DENND4C: variants seen among roughly 807,000 people sequenced by gnomAD.
DENND4C encodes the protein DENN domain containing 4C, also known as DENN domain-containing protein 4C.
Under a neutral mutation model 203.0 loss-of-function variants are expected in DENND4C, and 108 were observed. The observed-to-expected ratio is 0.53, with a 90% CI of 0.46 to 0.62. DENND4C has a LOEUF of 0.62. DENND4C is among the 20% of genes least tolerant of loss of function. The pLI, the probability that DENND4C is intolerant of heterozygous loss-of-function variation, is 0.00. For missense variants in DENND4C, 2,481 were observed against 2,301.2 expected (o/e 1.08, Z -1.60); for synonymous variants, 871 against 792.4 (o/e 1.10, Z -1.67).
At chr9:19,313,899 T>A (rs1264484070) in intron 10 of DENND4C, among the ~76,000 whole-genome samples, 1 of 152,090 alleles carries the variant, frequency 6.6e-6, no homozygotes, top group Admixed American at 6.5e-5. Flanking sequence ...GGAGCTAAGC[T>A]ATGAGGACAC....
In DENND4C at chr9:19,372,138, T is replaced by C; in HGVS notation, c.5842T>C (p.Trp1948Arg). The change falls in exon 33 of 33, where the codon TGG becomes CGG. Residue 1948 changes from tryptophan (W) to arginine (R), a missense_variant. Physicochemically the swap from Trp to Arg is moderately radical, Grantham distance 101. Coordinates refer to ENST00000434457, the MANE Select transcript of DENND4C (RefSeq NM_001330640.2). ...IDAPPSASVE[W>R]CRKCFGAPLI is the part of the protein sequence containing the mutation. ...TGCTCCACCAAGTGCCAGTGTCGAG[T>C]GGTGCAGGAAGTGTTTTGGAGCGCC... 1 of 1,613,928 alleles carries C rather than the reference T, an allele frequency of 6.2e-7. No individual in the cohort carries two copies. Among genetic ancestry groups the C allele is most frequent in the East Asian group, 2.2e-5 (1 of 44,862 alleles).
chr9:19,339,313 C>T (rs1821114728), intron 20 of DENND4C, among the ~76,000 whole-genome samples: 1 of 152,188 alleles, frequency 6.6e-6, no homozygotes, highest in Admixed American at 6.5e-5. Context: ...TCCCAGTGTT[C>T]CTTGTGGTAC....
chr9:19,282,450 C>T (rs564375795), intron 2 of DENND4C, among the ~76,000 whole-genome samples: 9 of 150,878 alleles, frequency 6.0e-5, no homozygotes, highest in Non-Finnish European at 1.3e-4. Context: ...GATGGGGTTT[C>T]GCCTTGTTGC....
chr9:19,348,182 T>G, intron 23 of DENND4C, among the ~76,000 whole-genome samples: 1 of 152,212 alleles, frequency 6.6e-6, no homozygotes, highest in East Asian at 1.9e-4. Flanking sequence ...ATGAGGGTGG[T>G]ACTGTTGTTA....
In DENND4C at chr9:19,276,083, T is replaced by C. The variant is rs1564110389; in HGVS notation, c.-17-75T>C. The C allele has an allele frequency of 8.4e-6, 6 of 717,830 alleles. No homozygotes were observed. The East Asian group carries it at 1.7e-4, about 20-fold the overall frequency. The allele number at this position is 717,830 out of a possible 1,614,324, so 44.5% of individuals were successfully genotyped here. On this transcript the variant is annotated intron_variant, in intron 1 of 32. Coordinates refer to ENST00000434457, the MANE Select transcript of DENND4C (RefSeq NM_001330640.2). ...GGGAAGTGTGCTAGTTGATGATTGT[T>C]AACTCAAGGATATATTAATTTTTGT...
chr9:19,324,732 T>C (rs975988415), intron 13 of DENND4C, among the ~76,000 whole-genome samples: 2 of 152,198 alleles, frequency 1.3e-5, no homozygotes, highest in African/African-American at 4.8e-5. Flanking sequence ...CATTGATCCA[T>C]TGATTGAAAC....
chr9:19,315,355 C>T (rs1028525953), intron 10 of DENND4C, among the ~76,000 whole-genome samples: 5 of 151,738 alleles, frequency 3.3e-5, no homozygotes, highest in South Asian at 4.2e-4. Flanking sequence ...GTTTTCAACC[C>T]GTGAAGATGT....
Position 19,332,024 on chromosome 9 carries a change from C to A in DENND4C, c.2300C>A (p.Pro767Gln). The A allele has an allele frequency of 6.2e-7, 1 of 1,613,928 alleles. No individual in the cohort carries two copies. The highest frequency in any genetic ancestry group is 8.5e-7 in the Non-Finnish European group (1 of 1,179,974). ...HKLAKRCYTNPPQWAKCLFSH... is the reference protein window; with the variant it reads ...HKLAKRCYTNQPQWAKCLFSH... Reference sequence around the variant, plus strand: ...TTGGCGAAGAGATGTTATACAAATCCACCACAGTGGGCCAAGTGTCTGTTT... The same window carrying A: ...TTGGCGAAGAGATGTTATACAAATCAACCACAGTGGGCCAAGTGTCTGTTT... Residue 767 changes from proline to glutamine, a missense_variant, in exon 17 of 33, where the codon CCA (proline) becomes CAA (glutamine). Around this residue, in one of 3 missense-constraint regions of DENND4C, gnomAD observed 2,289 missense variants for 2,113.3 expected, o/e 1.08. Coordinates refer to ENST00000434457, the MANE Select transcript of DENND4C (RefSeq NM_001330640.2).
At chr9:19,251,982 G>A (rs117513849) in intron 1 of DENND4C, among the ~76,000 whole-genome samples, 9,642 of 152,188 alleles carry the variant, frequency 0.063, 439 homozygotes, top group Non-Finnish European at 0.097. Context: ...TTCGAAAGTC[G>A]CTTCCACATT....
At position 19,352,127 on chromosome 9, in the gene DENND4C, A is replaced by G; in HGVS notation, c.4550A>G (p.His1517Arg). The G allele has an allele frequency of 6.2e-7, 1 of 1,613,944 alleles. No homozygotes were observed. The highest frequency in any genetic ancestry group is 1.1e-5 in the South Asian group (1 of 91,078). Residue 1517 changes from histidine to arginine, a missense_variant, in exon 25 of 33, where the codon CAT becomes CGT. His to Arg is a conservative substitution (Grantham distance 29). Around this residue, in one of 3 missense-constraint regions of DENND4C, gnomAD observed 2,289 missense variants for 2,113.3 expected, o/e 1.08. Transcript: ENST00000434457. ...MKGQDFEKSDHGSSQNTSMSS... is the reference protein window; with the variant it reads ...MKGQDFEKSDRGSSQNTSMSS... ...GGGCAAGACTTTGAAAAATCAGATC[A>G]TGGTTCTTCTCAAAATACCAGCATG...
Position 19,264,964 on chromosome 9 carries a change from G to A in DENND4C, c.-17-11194G>A, listed in dbSNP as rs796427744. On this transcript the variant is annotated intron_variant, in intron 1 of 32. Transcript: ENST00000434457. ...CATAGTACTGTTTTTGCTGTATCCT[G>A]TAGGTTTTAGTATGTTGTGTTTCCA... 9.2e-5 allele frequency among the ~76,000 whole-genome samples: 14 copies of A among 152,118 alleles called. 1 individual carries two copies. The highest frequency in any genetic ancestry group is 2.4e-4 in the African/African-American group (10 of 41,526).
chr9:19,244,876 A>G (rs1397743626), intron 1 of DENND4C, among the ~76,000 whole-genome samples: 1 of 152,196 alleles, frequency 6.6e-6, no homozygotes, highest in Non-Finnish European at 1.5e-5. Context: ...GGATAATGCT[A>G]GACCTCCCTT....
At chr9:19,315,458 G>C (rs1841624935) in intron 10 of DENND4C, among the ~76,000 whole-genome samples, 1 of 150,332 alleles carries the variant, frequency 6.7e-6, no homozygotes, top group Admixed American at 6.6e-5. Flanking sequence ...TTAGGCAGTT[G>C]TCTGCTGTAT....
intron 16 of DENND4C, among the ~76,000 whole-genome samples, chr9:19,328,786 C>T (rs1415868343): frequency 1.3e-5 from 2 of 151,954 alleles, no homozygotes; most frequent in Admixed American, 6.6e-5. Flanking sequence ...CAGTGGCTCA[C>T]CCCTGTAATC....
In DENND4C at chr9:19,372,217, G is replaced by C; in HGVS notation, c.*44G>C. On this transcript the variant is annotated 3_prime_UTR_variant, in exon 33 of 33. Coordinates refer to ENST00000434457, the MANE Select transcript of DENND4C (RefSeq NM_001330640.2). ...GTTGACACACAAGGCTTGGGGATTA[G>C]ATTTCATCTGGAAACATTCAAGTTT... The C allele has an allele frequency of 1.3e-6, 2 of 1,567,108 alleles. No individual in the cohort carries two copies. Among genetic ancestry groups the C allele is most frequent in the Non-Finnish European group, 1.7e-6 (2 of 1,158,648 alleles).
chr9:19,304,962 A>G (rs973006343), intron 9 of DENND4C, among the ~76,000 whole-genome samples: 4 of 150,734 alleles, frequency 2.7e-5, no homozygotes, highest in Non-Finnish European at 5.9e-5. Flanking sequence ...GATCTGAGGT[A>G]ATTTTGAGAA....
chr9:19,306,835 C>T (rs899296785), intron 10 of DENND4C, among the ~76,000 whole-genome samples: 2 of 151,640 alleles, frequency 1.3e-5, no homozygotes, highest in Non-Finnish European at 2.9e-5. Context: ...AACAGAGTTG[C>T]AGTGGTGCAA....
rs973931044 is a variant in DENND4C at position 19,245,671 on chromosome 9, G to A, written c.-18+14838G>A. On this transcript the variant is annotated intron_variant, in intron 1 of 32. Transcript: ENST00000434457. ...GGGGTTCGAGATTAGCCTGGCCAAC[G>A]TGGTGAAACCCCGTCTCTACTAAAA... Among the ~76,000 whole-genome samples the A allele has an allele frequency of 1.7e-4, 26 of 151,904 alleles. 2 individuals carry two copies. Among genetic ancestry groups the A allele is most frequent in the Admixed American group, 4.6e-4 (7 of 15,230 alleles).
chr9:19,357,104 A>G lies in DENND4C; in HGVS notation c.4914A>G (p.Pro1638=), dbSNP rs770884559. The G allele has an allele frequency of 2.5e-6, 4 of 1,613,938 alleles. No individual in the cohort carries two copies. The highest frequency in any genetic ancestry group is 2.2e-5 in the East Asian group (1 of 44,852). The part of the protein sequence containing the change: ...EPDLINFMDF[P]KHNQIITEET... ...ACTTGATCAACTTTATGGACTTCCC[A>G]AAACATAACCAGATCATAACTGAAG... Residue 1638 remains proline, a synonymous_variant, in exon 27 of 33, where the codon CCA becomes CCG. Coordinates refer to ENST00000434457, the MANE Select transcript of DENND4C (RefSeq NM_001330640.2).
Sources: allele counts gnomAD v4.1 joint callset (sites outside exome capture counted in the v4.1 genomes callset), GRCh38; gene constraint gnomAD v4.1.1; regional missense constraint gnomAD v4.1.1; transcripts MANE v1.5; gene names NCBI Gene and HGNC (gene_info 2026-07-23, HGNC 2026-07-21).